The following RPS6KA2 variants were observed in gnomAD, a reference collection of about 807,000 sequenced individuals.
RPS6KA2 encodes the protein ribosomal protein S6 kinase alpha-2.
A neutral mutation model predicts 91.8 loss-of-function variants in RPS6KA2; 42 were observed. That is an observed-to-expected ratio of 0.46 (90% CI 0.36 to 0.59). The LOEUF (loss-of-function observed/expected upper bound fraction) is 0.59. Ranked by LOEUF, RPS6KA2 falls within the 20% of genes least tolerant of loss-of-function variation. RPS6KA2 has a pLI of 0.00. For missense variants in RPS6KA2, 798 were observed against 978.5 expected (o/e 0.82, Z 2.46); for synonymous variants, 414 against 393.6 (o/e 1.05, Z -0.61).
chr6:166,701,461 G>C, intron 2 of RPS6KA2: 1 of 1,160,094 alleles, frequency 8.6e-7, no homozygotes, highest in Non-Finnish European at 1.3e-6. Flanking sequence ...TGGTGATCCA[G>C]CGATCATCAC....
chr6:166,753,564 C>T (rs978950213), intron 2 of RPS6KA2, among the ~76,000 whole-genome samples: 3 of 152,108 alleles, frequency 2.0e-5, no homozygotes, highest in African/African-American at 7.2e-5. Context: ...CACAGCAACT[C>T]GGATGTGTTT....
chr6:166,696,751 C>T lies in RPS6KA2; in HGVS notation c.124-157967G>A, dbSNP rs111969429. ...TCACCCAATCAGTGAAAGGACAGAA[C>T]AGAAAAGCCAACTCCCCCACAAGTG... is the stretch of plus-strand genomic sequence containing the variant. On this transcript the variant is annotated intron_variant, in intron 2 of 21. Coordinates refer to the RPS6KA2 transcript ENST00000503859. Among the ~76,000 whole-genome samples, 1,274 of 152,276 alleles carry T rather than the reference C, an allele frequency of 8.4e-3. 18 individuals are homozygous for T. Among genetic ancestry groups the T allele is most frequent in the Non-Finnish European group, 0.01 (712 of 68,016 alleles).
chr6:166,435,979 C>T lies in RPS6KA2; in HGVS notation c.1333-3489G>A, dbSNP rs948304908. On this transcript the variant is annotated intron_variant, in intron 14 of 20. Transcript: ENST00000265678. The surrounding 1 kb of genome is among the most constrained non-coding windows in gnomAD (Gnocchi z 4.3). Reference sequence around the variant, plus strand: ...GGTTGCAGGAGCTCCCTGGGCCTCTCTACACCTAGCTTTCTTCATCTGTAA... The same window carrying T: ...GGTTGCAGGAGCTCCCTGGGCCTCTTTACACCTAGCTTTCTTCATCTGTAA... Among the ~76,000 whole-genome samples, 2 of 152,214 alleles carry T rather than the reference C, an allele frequency of 1.3e-5. No individual in the cohort carries two copies. Among genetic ancestry groups the T allele is most frequent in the Non-Finnish European group, 2.9e-5 (2 of 68,028 alleles).
At chr6:166,629,122 C>T (rs114137343), upstream of RPS6KA2, among the ~76,000 whole-genome samples, 1,320 of 152,326 alleles carry the variant, frequency 8.7e-3, 21 homozygotes, top group South Asian at 0.063. Flanking sequence ...GTACCCAGCA[C>T]GGGAAGAGGT....
chr6:166,762,842 A>G (rs538183329), intron 2 of RPS6KA2, among the ~76,000 whole-genome samples: 3 of 152,320 alleles, frequency 2.0e-5, no homozygotes, highest in Non-Finnish European at 4.4e-5. Flanking sequence ...CACCGAGGCT[A>G]CTGCAGAGCA....
At chr6:166,455,543 C>G (rs1162520728) in intron 12 of RPS6KA2, among the ~76,000 whole-genome samples, 1 of 152,188 alleles carries the variant, frequency 6.6e-6, no homozygotes, top group Non-Finnish European at 1.5e-5. Flanking sequence ...ACTAATGTGA[C>G]CAGAGTCGGC....
At chr6:166,599,883 C>T (rs550923272) in intron 1 of RPS6KA2, among the ~76,000 whole-genome samples, 6 of 152,266 alleles carry the variant, frequency 3.9e-5, no homozygotes, top group Admixed American at 3.9e-4. Flanking sequence ...AGGCCTAGAG[C>T]AGAAGCCACC....
chr6:166,723,778 A>G (rs1378636102), intron 2 of RPS6KA2, among the ~76,000 whole-genome samples: 1 of 143,036 alleles, frequency 7.0e-6, no homozygotes, highest in African/African-American at 2.7e-5. Context: ...TTGGCTCACT[A>G]CTACCTCTGC....
intron 1 of RPS6KA2, among the ~76,000 whole-genome samples, chr6:166,600,257 A>T (rs1785686463): frequency 6.6e-6 from 1 of 152,216 alleles, no homozygotes; most frequent in Admixed American, 6.5e-5. Context: ...TTCTGGCCTC[A>T]GCCTCCCAAC....
At chr6:166,547,006 T>C (rs2128498685) in intron 1 of RPS6KA2, among the ~76,000 whole-genome samples, 1 of 152,296 alleles carries the variant, frequency 6.6e-6, no homozygotes, top group East Asian at 1.9e-4. Flanking sequence ...TGGAGTGCAG[T>C]GGCATGATCT....
intron 2 of RPS6KA2, among the ~76,000 whole-genome samples, chr6:166,698,025 A>G (rs1185953336): frequency 6.6e-6 from 1 of 151,994 alleles, no homozygotes; most frequent in Non-Finnish European, 1.5e-5. Context: ...CTTTACAAGG[A>G]TTTGCTGTGC....
Position 166,498,480 on chromosome 6 carries a change from G to T in RPS6KA2, c.747+28C>A, listed in dbSNP as rs368548634. ...GTCCACGTGGGGAACAGCCGCCATG[G>T]CACAGAAGAGGGTCGGGGCAGGCTC... is the stretch of plus-strand genomic sequence containing the variant. On this transcript the variant is annotated intron_variant, in intron 8 of 20. Transcript: ENST00000265678. The T allele has an allele frequency of 3.1e-6, 5 of 1,588,344 alleles. No individual in the cohort carries two copies. In the African/African-American group the frequency reaches 6.8e-5, roughly 22 times the overall value.
intron 2 of RPS6KA2, among the ~76,000 whole-genome samples, chr6:166,776,473 T>C (rs9459745): frequency 0.17 from 25,659 of 152,060 alleles, 2,325 homozygotes; most frequent in African/African-American, 0.22. Flanking sequence ...CGTTTTAACA[T>C]GAATGATGAG....
intron 2 of RPS6KA2, among the ~76,000 whole-genome samples, chr6:166,640,861 G>A (rs113012847): frequency 2.6e-5 from 4 of 152,002 alleles, no homozygotes; most frequent in South Asian, 2.1e-4. Flanking sequence ...CAGACTCAAC[G>A]GCGTGACCTT....
chr6:166,681,020 C>T (rs143938717), intron 2 of RPS6KA2, among the ~76,000 whole-genome samples: 3 of 152,228 alleles, frequency 2.0e-5, no homozygotes, highest in Non-Finnish European at 4.4e-5. Context: ...AGCCGCTTGT[C>T]TCTCCCATAT....
rs754793691 is a variant in RPS6KA2, at chr6:166,538,803, G to C, written c.100-19C>G. ...CTTCTTCCTGCAAGAGAGCGGCACG[G>C]GTGAGAAACACACCGCGAGGAGTCC... On this transcript the variant is annotated intron_variant, in intron 1 of 20. Coordinates refer to ENST00000265678, the MANE Select transcript of RPS6KA2 (RefSeq NM_021135.6). 6.6e-6 allele frequency: 9 copies of C among 1,373,650 alleles called. No homozygotes were observed. In the East Asian group the frequency reaches 1.6e-4, roughly 25 times the overall value. 85.1% of individuals were successfully genotyped at this position (1,373,650 alleles called of 1,614,324 possible).
At position 166,538,724 on chromosome 6, in the gene RPS6KA2, C is replaced by G. The variant is rs751757241; in HGVS notation, c.160G>C (p.Ala54Pro). The G allele has an allele frequency of 1.2e-6, 2 of 1,612,492 alleles. No homozygotes were observed. Among genetic ancestry groups the G allele is most frequent in the African/African-American group, 2.7e-5 (2 of 74,896 alleles). The change falls in exon 2 of 21, where the codon GCA (alanine) becomes CCA (proline). Residue 54 changes from alanine to proline, a missense_variant. Ala to Pro is a conservative substitution (Grantham distance 27). Transcript: ENST00000265678. ...AGCAGCTCAAACTGGGAAGGATCTG[C>G]CTTCTCAAAGCCCTCCTTCACATGA... ...SHHVKEGFEK[A>P]DPSQFELLKV...
intron 2 of RPS6KA2, among the ~76,000 whole-genome samples, chr6:166,692,417 G>A (rs533340881): frequency 2.6e-5 from 4 of 152,238 alleles, no homozygotes; most frequent in Non-Finnish European, 4.4e-5. Flanking sequence ...AGAGATGGAC[G>A]ATGGAAACCC....
intron 2 of RPS6KA2, among the ~76,000 whole-genome samples, chr6:166,743,391 G>A (rs1790874316): frequency 6.6e-6 from 1 of 152,218 alleles, no homozygotes; most frequent in African/African-American, 2.4e-5. Flanking sequence ...CCAGGCCGAA[G>A]AACAATCCCA....
Sources: allele counts gnomAD v4.1 joint callset (sites outside exome capture counted in the v4.1 genomes callset), GRCh38; gene constraint gnomAD v4.1.1; non-coding constraint Gnocchi (gnomAD v3.1); transcripts MANE v1.5; gene names NCBI Gene and HGNC (gene_info 2026-07-23, HGNC 2026-07-21).